Variants in SOX6 observed in about 807,000 individuals in gnomAD.
The protein encoded by SOX6 is transcription factor SOX-6.
A neutral mutation model predicts 97.8 loss-of-function variants in SOX6; 11 were observed. The ratio of observed to expected loss-of-function variants is 0.11; its 90% CI spans 0.07 to 0.19. The LOEUF is 0.19. Ranked by LOEUF, SOX6 falls within the 10% of genes least tolerant of loss-of-function variation. The pLI is 1.00. For synonymous variants in SOX6, 360 were observed against 371.4 expected (o/e 0.97, Z 0.35); for missense variants, 810 against 1,039.5 (o/e 0.78, Z 3.04).
intron 6 of SOX6, among the ~76,000 whole-genome samples, chr11:16,134,960 G>A (rs192274078): frequency 6.6e-6 from 1 of 152,324 alleles, no homozygotes; most frequent in East Asian, 1.9e-4. Flanking sequence ...ACTCTCTTGG[G>A]AGGGGCTAAT....
chr11:16,503,433 C>T (rs1860738849), intron 4 of SOX6, among the ~76,000 whole-genome samples: 1 of 152,048 alleles, frequency 6.6e-6, no homozygotes, highest in Non-Finnish European at 1.5e-5. Context: ...AGGAATAAGC[C>T]TTCACATATC....
chr11:16,138,058 G>A (rs1006737856), intron 6 of SOX6, among the ~76,000 whole-genome samples: 1 of 152,126 alleles, frequency 6.6e-6, no homozygotes, highest in South Asian at 2.1e-4. Flanking sequence ...TACACACTAT[G>A]CAAATATATA....
intron 4 of SOX6, among the ~76,000 whole-genome samples, chr11:16,578,588 G>C (rs1443256335): frequency 1.3e-5 from 2 of 152,068 alleles, no homozygotes; most frequent in Non-Finnish European, 2.9e-5. Flanking sequence ...AGTGCTGAAG[G>C]AACTGTCACA....
chr11:16,594,984 G>T (rs148874399), intron 4 of SOX6, among the ~76,000 whole-genome samples: 1 of 152,058 alleles, frequency 6.6e-6, no homozygotes, highest in Non-Finnish European at 1.5e-5. Flanking sequence ...GAGCCACCGC[G>T]CCCGGCCTGG....
chr11:16,670,162 C>A (rs1405092742), intron 3 of SOX6, among the ~76,000 whole-genome samples: 1 of 152,110 alleles, frequency 6.6e-6, no homozygotes, highest in Non-Finnish European at 1.5e-5. Flanking sequence ...GGAGAGGATC[C>A]CAGAAGCACA....
intron 3 of SOX6, among the ~76,000 whole-genome samples, chr11:16,684,939 A>C (rs1038362631): frequency 1.3e-5 from 2 of 152,150 alleles, no homozygotes; most frequent in Admixed American, 6.5e-5. Flanking sequence ...GCGGTACCAG[A>C]CGTGTCACAT....
intron 4 of SOX6, among the ~76,000 whole-genome samples, chr11:16,556,494 C>T (rs1847750461): frequency 6.6e-6 from 1 of 151,692 alleles, no homozygotes; most frequent in Non-Finnish European, 1.5e-5. Context: ...CTGTGGCATC[C>T]TCTTTATAGA....
At chr11:16,512,256 T>C (rs1860892830) in intron 4 of SOX6, among the ~76,000 whole-genome samples, 1 of 152,184 alleles carries the variant, frequency 6.6e-6, no homozygotes, top group African/African-American at 2.4e-5. Flanking sequence ...GGGGATATCT[T>C]AACTTTTTAA....
At chr11:16,343,141 C>T (rs10832596) in intron 1 of SOX6, among the ~76,000 whole-genome samples, 15,442 of 151,684 alleles carry the variant, frequency 0.1, 836 homozygotes, top group African/African-American at 0.12. Context: ...CTTACTTTAC[C>T]GGCCCCATAA....
intron 1 of SOX6, among the ~76,000 whole-genome samples, chr11:16,391,517 A>G (rs983758382): frequency 1.3e-5 from 2 of 152,136 alleles, no homozygotes; most frequent in African/African-American, 2.4e-5. Flanking sequence ...TATAGTAGGT[A>G]CAAATTGATG....
intron 4 of SOX6, among the ~76,000 whole-genome samples, chr11:16,503,255 GAA>G (rs796283151): frequency 7.2e-6 from 1 of 138,100 alleles, no homozygotes. Context: ...CTACCACCAT[GAA>G]AAAAAAAAAA....
intron 1 of SOX6, among the ~76,000 whole-genome samples, chr11:16,467,886 T>C (rs1860071746): frequency 6.6e-6 from 1 of 152,216 alleles, no homozygotes; most frequent in Non-Finnish European, 1.5e-5. Context: ...TTGACACTTC[T>C]TCACTTCTTT....
At chr11:16,149,829 T>A (rs963759772) in intron 6 of SOX6, among the ~76,000 whole-genome samples, 1 of 152,178 alleles carries the variant, frequency 6.6e-6, no homozygotes, top group African/African-American at 2.4e-5. Flanking sequence ...AGCTAACTGG[T>A]GTTAATGACC....
At chr11:16,525,432 T>C (rs1488345399) in intron 4 of SOX6, among the ~76,000 whole-genome samples, 1 of 151,978 alleles carries the variant, frequency 6.6e-6, no homozygotes, top group Non-Finnish European at 1.5e-5. Flanking sequence ...TAGCCATATG[T>C]AGAAAGCTGA....
At chr11:16,002,981 T>C (rs750847916) in intron 13 of SOX6, among the ~76,000 whole-genome samples, 1 of 152,192 alleles carries the variant, frequency 6.6e-6, no homozygotes, top group Non-Finnish European at 1.5e-5. Context: ...CTGGCTGATA[T>C]TCTTACACCC....
At chr11:16,540,501 T>C (rs930923099) in intron 4 of SOX6, among the ~76,000 whole-genome samples, 2 of 151,982 alleles carry the variant, frequency 1.3e-5, no homozygotes, top group African/African-American at 4.8e-5. Context: ...AAATAAAGGG[T>C]ATTCAATTAG....
At chr11:15,988,577 A>G (rs1210761163) in intron 14 of SOX6, among the ~76,000 whole-genome samples, 1 of 152,162 alleles carries the variant, frequency 6.6e-6, no homozygotes, top group Non-Finnish European at 1.5e-5. Context: ...AAGAACACTA[A>G]AGCAGAAAAC....
chr11:16,361,780 A>G (rs1857217095), intron 1 of SOX6, among the ~76,000 whole-genome samples: 1 of 152,212 alleles, frequency 6.6e-6, no homozygotes, highest in African/African-American at 2.4e-5. Flanking sequence ...CCAATTTCCA[A>G]ATCTTTTAAA....
intron 4 of SOX6, among the ~76,000 whole-genome samples, chr11:16,591,526 A>T (rs943804110): frequency 6.6e-6 from 1 of 152,142 alleles, no homozygotes; most frequent in African/African-American, 2.4e-5. Context: ...TTTTGAAAAC[A>T]TGTTTGAAAA....
Sources: gnomAD v4.1 joint callset for allele counts (sites outside exome capture counted in the v4.1 genomes callset) on GRCh38, gnomAD v4.1.1 for gene constraint, MANE v1.5 for transcripts, NCBI Gene and HGNC (gene_info 2026-07-23, HGNC 2026-07-21) for gene names.